PCDHGA10: variants seen among roughly 807,000 people sequenced by gnomAD.
The protein encoded by PCDHGA10 is protocadherin gamma-A10.
A neutral mutation model predicts 59.5 loss-of-function variants in PCDHGA10; 42 were observed. The observed-to-expected ratio is 0.71, with a 90% CI of 0.55 to 0.91. The LOEUF is 0.91. Among genes scored for constraint, PCDHGA10 ranks in the 40% least tolerant of loss-of-function variants. The pLI is 0.00. For synonymous variants in PCDHGA10, 511 were observed against 517.2 expected (o/e 0.99, Z 0.16); for missense variants, 1,111 against 1,198.2 (o/e 0.93, Z 1.07).
chr5:141,494,556 T>C (rs909822734), intron 1 of PCDHGA10, among the ~76,000 whole-genome samples: 18 of 152,120 alleles, frequency 1.2e-4, no homozygotes, highest in African/African-American at 4.3e-4. Context: ...GCCATTTCTT[T>C]AGGAAAGGAG....
At position 141,477,100 on chromosome 5, in the gene PCDHGA10, C is replaced by A. The variant is rs970613825; in HGVS notation, c.2437-17707C>A. On this transcript the variant is annotated intron_variant, in intron 1 of 3. Transcript: ENST00000398610. This position sits in a 1 kb window ranked among gnomAD's most constrained non-coding sequence, Gnocchi z 4.9. ...TTTACATCCAGGCCAAAGACAAGGGCGCCAATCCCGAAGGAGCACATTGCA... is the reference window on the plus strand; with the variant it reads ...TTTACATCCAGGCCAAAGACAAGGGAGCCAATCCCGAAGGAGCACATTGCA... 1 of 1,614,216 alleles carries A rather than the reference C, an allele frequency of 6.2e-7. No homozygotes were observed. Among genetic ancestry groups the A allele is most frequent in the Non-Finnish European group, 8.5e-7 (1 of 1,180,040 alleles).
rs765318875 is a variant in PCDHGA10 at position 141,489,896 on chromosome 5, C to A, written c.2437-4911C>A. On this transcript the variant is annotated intron_variant, in intron 1 of 3. Coordinates refer to ENST00000398610, the MANE Select transcript of PCDHGA10 (RefSeq NM_018913.3). This position sits in a 1 kb window ranked among gnomAD's most constrained non-coding sequence, Gnocchi z 4.5. ...GTGCTTACTGCTGTGGATGGGGGGA[C>A]CCCAGCCCGCTCAGGGACCACCCTT... 5 of 1,614,062 alleles carry A rather than the reference C, an allele frequency of 3.1e-6. No homozygotes were observed.
At chr5:141,441,187 AT>A (rs1349788972) in intron 1 of PCDHGA10, 1 of 152,214 alleles carries the variant, frequency 6.6e-6, no homozygotes, top group Non-Finnish European at 1.5e-5. Context: ...TTCCACAATG[AT>A]TCCCAAAGAT....
At chr5:141,427,692 C>A in intron 1 of PCDHGA10, 1 of 903,150 alleles carries the variant, frequency 1.1e-6, no homozygotes, top group Non-Finnish European at 1.8e-6. Context: ...AGCCTCCATC[C>A]CACAAGTCAG....
At chr5:141,495,544 T>C (rs971374249) in intron 2 of PCDHGA10, among the ~76,000 whole-genome samples, 5 of 152,220 alleles carry the variant, frequency 3.3e-5, no homozygotes, top group African/African-American at 7.2e-5. Context: ...CCTCAGTCTC[T>C]ATCTCGCTTT....
intron 1 of PCDHGA10, among the ~76,000 whole-genome samples, chr5:141,452,103 TTTCTC>T (rs1428635203): frequency 1.3e-5 from 2 of 152,186 alleles, no homozygotes; most frequent in African/African-American, 4.8e-5. Context: ...AGAGCTTTCT[TTTCTC>T]TTCTTATTTA....
intron 1 of PCDHGA10, among the ~76,000 whole-genome samples, chr5:141,478,999 A>C (rs1220971456): frequency 2.0e-5 from 3 of 152,194 alleles, no homozygotes. Context: ...ATTAAAACTA[A>C]TAGCTTTTTG....
intron 1 of PCDHGA10, among the ~76,000 whole-genome samples, chr5:141,484,306 C>T (rs1009067603): frequency 6.6e-6 from 1 of 152,184 alleles, no homozygotes; most frequent in African/African-American, 2.4e-5. Context: ...GCTTCCTCCA[C>T]CCCGCTTCCA....
chr5:141,497,122 G>A (rs1407489807), intron 2 of PCDHGA10, among the ~76,000 whole-genome samples: 1 of 151,992 alleles, frequency 6.6e-6, no homozygotes, highest in East Asian at 1.9e-4. Flanking sequence ...GAAGGCAGAG[G>A]TTGCAGTGAG....
At chr5:141,494,770 C>A (rs767006872) in intron 1 of PCDHGA10, 37 bp from the exon 2 acceptor site, 14 of 1,613,904 alleles carry the variant, frequency 8.7e-6, no homozygotes, top group Non-Finnish European at 1.1e-5. Flanking sequence ...TAACTTCTCA[C>A]GGGTACTCAG....
At chr5:141,475,543 G>A (rs1161883598) in intron 1 of PCDHGA10, among the ~76,000 whole-genome samples, 1 of 152,196 alleles carries the variant, frequency 6.6e-6, no homozygotes, top group African/African-American at 2.4e-5. Flanking sequence ...TACAAGTAGG[G>A]TCCGGCTAAT....
In PCDHGA10 at chr5:141,413,664, T is replaced by G; in HGVS notation, c.489T>G (p.Asp163Glu). 1 of 1,613,858 alleles carries G rather than the reference T, an allele frequency of 6.2e-7. No individual in the cohort carries two copies. Among genetic ancestry groups the G allele is most frequent in the Non-Finnish European group, 8.5e-7 (1 of 1,179,888 alleles). The change falls in exon 1 of 4, where the codon GAT (aspartate) becomes GAG (glutamate). Residue 163 changes from aspartate (D) to glutamate (E), a missense_variant. Asp to Glu is a conservative substitution (Grantham distance 45, BLOSUM62 2). Transcript: ENST00000398610. ...GMRFPLPEAI[D>E]PDVGVNSLQS... ...GTTTTCCTCTCCCGGAAGCTATTGA[T>G]CCGGATGTGGGCGTGAACTCCCTGC...
chr5:141,491,293 C>T lies in PCDHGA10; in HGVS notation c.2437-3514C>T. On this transcript the variant is annotated intron_variant, in intron 1 of 3. Transcript: ENST00000398610. This position sits in a 1 kb window ranked among gnomAD's most constrained non-coding sequence, Gnocchi z 6.9. Reference sequence around the variant, plus strand: ...ATCCAGTGACTTCCTCATACACCCTCCTGAGCGTTCAGACCTTACCCTTTA... The same window carrying T: ...ATCCAGTGACTTCCTCATACACCCTTCTGAGCGTTCAGACCTTACCCTTTA... 6.2e-7 allele frequency: 1 copy of T among 1,614,166 alleles called. No homozygotes were observed. The highest frequency in any genetic ancestry group is 1.3e-5 in the African/African-American group (1 of 75,058).
intron 1 of PCDHGA10, among the ~76,000 whole-genome samples, chr5:141,482,179 G>A (rs1398839482): frequency 6.6e-6 from 1 of 152,040 alleles, no homozygotes; most frequent in Non-Finnish European, 1.5e-5. Flanking sequence ...AAGGCTTTAC[G>A]ATGCTCCAGT....
chr5:141,492,460 G>T (rs2099740851), intron 1 of PCDHGA10, among the ~76,000 whole-genome samples: 1 of 152,218 alleles, frequency 6.6e-6, no homozygotes, highest in African/African-American at 2.4e-5. Flanking sequence ...GCGCGCCTGA[G>T]GGTCCCAGAT....
rs1427742903 is a variant in PCDHGA10 at position 141,477,916 on chromosome 5, A to G, written c.2437-16891A>G. On this transcript the variant is annotated intron_variant, in intron 1 of 3. Coordinates refer to ENST00000398610, the MANE Select transcript of PCDHGA10 (RefSeq NM_018913.3). This position sits in a 1 kb window ranked among gnomAD's most constrained non-coding sequence, Gnocchi z 4.9. ...GGGTGGTAGGCTGGGACGCGGATGC[A>G]GGGCACAATGCCTGGCTCTCCTACA... The G allele has an allele frequency of 1.2e-6, 2 of 1,614,042 alleles. No homozygotes were observed. The highest frequency in any genetic ancestry group is 2.7e-5 in the African/African-American group (2 of 74,932).
In PCDHGA10 at chr5:141,486,432, G is replaced by T; in HGVS notation, c.2437-8375G>T. On this transcript the variant is annotated intron_variant, in intron 1 of 3. Coordinates refer to ENST00000398610, the MANE Select transcript of PCDHGA10 (RefSeq NM_018913.3). This position sits in a 1 kb window ranked among gnomAD's most constrained non-coding sequence, Gnocchi z 5.0. ...CCCTTGGATCGAGAGGCCAAATCTA[G>T]CTATGACATCATGGTCACTGCTTCT... 4 of 1,614,172 alleles carry T rather than the reference G, an allele frequency of 2.5e-6. No homozygotes were observed. Among genetic ancestry groups the T allele is most frequent in the Non-Finnish European group, 2.5e-6 (3 of 1,180,020 alleles).
In PCDHGA10 at chr5:141,489,362, C is replaced by T. The variant is rs1562129544; in HGVS notation, c.2437-5445C>T. 8 of 1,613,052 alleles carry T rather than the reference C, an allele frequency of 5.0e-6. No individual in the cohort carries two copies. Among genetic ancestry groups the T allele is most frequent in the South Asian group, 2.2e-5 (2 of 90,970 alleles). On this transcript the variant is annotated intron_variant, in intron 1 of 3. Coordinates refer to ENST00000398610, the MANE Select transcript of PCDHGA10 (RefSeq NM_018913.3). The surrounding 1 kb of genome is among the most constrained non-coding windows in gnomAD (Gnocchi z 4.5). ...TACTCAGTGGTGGAGGAGTCTGAGC[C>T]GGGGACGCTGGTGGGGAATGTTGCT...
intron 1 of PCDHGA10, among the ~76,000 whole-genome samples, chr5:141,470,997 A>G (rs905897657): frequency 3.8e-4 from 57 of 150,462 alleles, no homozygotes; most frequent in African/African-American, 1.3e-3. Flanking sequence ...GACTACAGGC[A>G]TGAGCCACTG....
Sources: gnomAD v4.1 joint callset for allele counts (sites outside exome capture counted in the v4.1 genomes callset) on GRCh38, gnomAD v4.1.1 for gene constraint, Gnocchi (gnomAD v3.1) non-coding constraint, MANE v1.5 for transcripts, NCBI Gene and HGNC (gene_info 2026-07-23, HGNC 2026-07-21) for gene names.